EPHA4: variants seen among roughly 807,000 people sequenced by gnomAD.
The protein encoded by EPHA4 is ephrin type-A receptor 4.
A neutral mutation model predicts 108.3 loss-of-function variants in EPHA4; 19 were observed. The ratio of observed to expected loss-of-function variants is 0.18; its 90% confidence interval spans 0.12 to 0.26. The LOEUF (loss-of-function observed/expected upper bound fraction) is 0.26. EPHA4 is among the 10% of genes least tolerant of loss of function. The pLI is 1.00. For synonymous variants in EPHA4, 449 were observed against 455.5 expected (o/e 0.99, Z 0.18); for missense variants, 917 against 1,254.0 (o/e 0.73, Z 4.06).
intron 3 of EPHA4, chr2:221,502,523 C>A (rs1321018309): frequency 2.1e-6 from 1 of 471,290 alleles, no homozygotes; most frequent in Admixed American, 2.3e-5. Flanking sequence ...CGCAGCAGAT[C>A]TTACTGAAAT....
Position 221,571,331 on chromosome 2 carries a change from C to G in EPHA4, c.91+827G>C, listed in dbSNP as rs995580418. Reference sequence around the variant, plus strand: ...AATGATCACCGCCCCCCCGCCCCGCCCCACCTCCCGACACAGACACACAGG... The same window carrying G: ...AATGATCACCGCCCCCCCGCCCCGCGCCACCTCCCGACACAGACACACAGG... On this transcript the variant is annotated intron_variant, in intron 1 of 17. Coordinates refer to ENST00000281821, the MANE Select transcript of EPHA4 (RefSeq NM_004438.5). This position sits in a 1 kb window ranked among gnomAD's most constrained non-coding sequence, Gnocchi z 6.3. 1.3e-5 allele frequency among the ~76,000 whole-genome samples: 2 copies of G among 151,740 alleles called. No individual in the cohort carries two copies. The highest frequency in any genetic ancestry group is 2.9e-5 in the Non-Finnish European group (2 of 67,910).
At chr2:221,512,902 T>C (rs966408982) in intron 3 of EPHA4, among the ~76,000 whole-genome samples, 5 of 152,218 alleles carry the variant, frequency 3.3e-5, no homozygotes, top group Admixed American at 3.3e-4. Context: ...AGACCACTGC[T>C]TCCTCTCACA....
At chr2:221,464,419 A>ATATCCTTGTGATTAAGGG (rs1219670482) in intron 5 of EPHA4, among the ~76,000 whole-genome samples, 1 of 152,126 alleles carries the variant, frequency 6.6e-6, no homozygotes, top group Non-Finnish European at 1.5e-5. Context: ...AGCACTAATG[A>ATATCCTTGTGATTAAGGG]TATCCTTGTG....
At chr2:221,517,121 C>A (rs1422701173) in intron 3 of EPHA4, among the ~76,000 whole-genome samples, 3 of 152,118 alleles carry the variant, frequency 2.0e-5, no homozygotes, top group African/African-American at 7.2e-5. Flanking sequence ...AGGGATAGAA[C>A]TGTACAGGAG....
At chr2:221,545,476 A>C (rs1279552041) in intron 3 of EPHA4, among the ~76,000 whole-genome samples, 6 of 152,146 alleles carry the variant, frequency 3.9e-5, no homozygotes, top group African/African-American at 1.4e-4. Flanking sequence ...CTTAAAAAAA[A>C]CAAAAAACAA....
chr2:221,559,951 C>T (rs1055648133), intron 3 of EPHA4, among the ~76,000 whole-genome samples: 5 of 152,180 alleles, frequency 3.3e-5, no homozygotes, highest in Non-Finnish European at 2.9e-5. Flanking sequence ...CTTCAGAGGG[C>T]AAAGCCACCA....
chr2:221,537,128 C>T (rs1192266226), intron 3 of EPHA4, among the ~76,000 whole-genome samples: 1 of 152,174 alleles, frequency 6.6e-6, no homozygotes, highest in Non-Finnish European at 1.5e-5. Flanking sequence ...GTGTGTCAGG[C>T]TCAGTTTTAG....
At chr2:221,566,878 G>GA (rs1311755651) in intron 2 of EPHA4, among the ~76,000 whole-genome samples, 9 of 28,274 alleles carry the variant, frequency 3.2e-4, no homozygotes, top group Middle Eastern at 0.014. Context: ...GAAGAAGAAG[G>GA]AGAAGGAGAA....
At chr2:221,491,798 C>T (rs765324827) in intron 4 of EPHA4, among the ~76,000 whole-genome samples, 1 of 151,908 alleles carries the variant, frequency 6.6e-6, no homozygotes, top group Non-Finnish European at 1.5e-5. Flanking sequence ...AGGAATAGGG[C>T]GAGGGGCAAT....
chr2:221,564,508 A>C, intron 2 of EPHA4, 114 bp from the exon 3 acceptor site: 1 of 1,024,308 alleles, frequency 9.8e-7, no homozygotes, highest in Non-Finnish European at 1.4e-6. Flanking sequence ...TAATGAAGCA[A>C]ACTACTGAGC....
chr2:221,542,028 C>T (rs1382756906), intron 3 of EPHA4, among the ~76,000 whole-genome samples: 4 of 152,118 alleles, frequency 2.6e-5, no homozygotes, highest in Non-Finnish European at 5.9e-5. Flanking sequence ...AGAATGAATG[C>T]TTTAGTTTCA....
intron 3 of EPHA4, among the ~76,000 whole-genome samples, chr2:221,554,313 T>C (rs533577608): frequency 6.6e-6 from 1 of 152,214 alleles, no homozygotes; most frequent in East Asian, 1.9e-4. Context: ...TTTACTTAAT[T>C]AGACTGCAAC....
chr2:221,491,784 T>C (rs2106149617), intron 4 of EPHA4, among the ~76,000 whole-genome samples: 1 of 152,196 alleles, frequency 6.6e-6, no homozygotes, highest in Non-Finnish European at 1.5e-5. Flanking sequence ...AGGTGGAAGA[T>C]CATAGGAATA....
rs948348654 is a variant in EPHA4 at position 221,550,845 on chromosome 2, A to G, written c.823+12886T>C. 7.9e-5 allele frequency among the ~76,000 whole-genome samples: 12 copies of G among 152,178 alleles called. 1 individual carries two copies. The highest frequency in any genetic ancestry group is 2.9e-4 in the African/African-American group (12 of 41,556). ...AAGAGAGTTTATGGTTTATCACGAGAAAAAATCTACTAATATATTAGATCT... is the reference window on the plus strand; with the variant it reads ...AAGAGAGTTTATGGTTTATCACGAGGAAAAATCTACTAATATATTAGATCT... On this transcript the variant is annotated intron_variant, in intron 3 of 17. Coordinates refer to ENST00000281821, the MANE Select transcript of EPHA4 (RefSeq NM_004438.5).
chr2:221,458,975 A>C lies in EPHA4; in HGVS notation c.1319-985T>G, dbSNP rs536460938. 2.0e-5 allele frequency among the ~76,000 whole-genome samples: 3 copies of C among 152,326 alleles called. No homozygotes were observed. The South Asian group carries it at 6.2e-4, about 32-fold the overall frequency. On this transcript the variant is annotated intron_variant, in intron 5 of 17. Coordinates refer to ENST00000281821, the MANE Select transcript of EPHA4 (RefSeq NM_004438.5). The stretch of plus-strand genomic sequence containing the variant: ...CCCAAACTGGGGAAACAAATGTCAA[A>C]AACTGGCCACTGAGGAAGGATAAAT...
intron 1 of EPHA4, among the ~76,000 whole-genome samples, chr2:221,570,225 G>T (rs1694785708): frequency 6.6e-6 from 1 of 152,032 alleles, no homozygotes; most frequent in Non-Finnish European, 1.5e-5. Context: ...GGGGAGGTGG[G>T]GGAGGGGAGG....
rs1233305564 is a variant in EPHA4, at chr2:221,564,887, CAAAAAAA to C, written c.160-500_160-494del. 1.9e-4 allele frequency among the ~76,000 whole-genome samples: 14 copies of C among 73,068 alleles called. No homozygotes were observed. In the South Asian group the frequency reaches 2.9e-3, roughly 15 times the overall value. 47.9% of individuals were successfully genotyped at this position (73,068 alleles called of 152,430 possible). On this transcript the variant is annotated intron_variant, in intron 2 of 17. Transcript: ENST00000281821. ...GTCAGAACTTTGCTCTCTAATACCT[CAAAAAAA>C]AAAAAAAAAAAAAAAAAGGCAATTG... is the stretch of plus-strand genomic sequence containing the variant.
intron 3 of EPHA4, among the ~76,000 whole-genome samples, chr2:221,506,400 C>G (rs9288569): frequency 0.34 from 51,011 of 152,086 alleles, 10,095 homozygotes; most frequent in African/African-American, 0.55. Context: ...CCCCAGCCAT[C>G]TTTGGGGAAG....
chr2:221,470,571 G>A (rs1691450042), intron 5 of EPHA4, among the ~76,000 whole-genome samples: 1 of 148,748 alleles, frequency 6.7e-6, no homozygotes, highest in Non-Finnish European at 1.5e-5. Flanking sequence ...TATCACTTTA[G>A]GGAACCTCTG....
Sources: allele counts gnomAD v4.1 joint callset (sites outside exome capture counted in the v4.1 genomes callset), GRCh38; gene constraint gnomAD v4.1.1; non-coding constraint Gnocchi (gnomAD v3.1); transcripts MANE v1.5; gene names NCBI Gene and HGNC (gene_info 2026-07-23, HGNC 2026-07-21).